Variants in PKHD1L1 observed in about 807,000 individuals in gnomAD.
The protein encoded by PKHD1L1 is PKHD1 like 1.
PKHD1L1 carries 434 observed loss-of-function variants against 462.9 expected under a neutral mutation model. The observed-to-expected ratio is 0.94, with a 90% CI of 0.87 to 1.02. The LOEUF is 1.02. PKHD1L1 is among the 50% of genes least tolerant of loss of function. The pLI is 0.00. For missense variants in PKHD1L1, 5,202 were observed against 5,096.1 expected (o/e 1.02, Z -0.63); for synonymous variants, 1,781 against 1,750.0 (o/e 1.02, Z -0.44).
Position 109,454,249 on chromosome 8 carries a change from A to G in PKHD1L1, c.6744+3A>G, listed in dbSNP as rs1183143228. The G allele has an allele frequency of 6.3e-7, 1 of 1,587,334 alleles. No homozygotes were observed. Among genetic ancestry groups the G allele is most frequent in the African/African-American group, 1.3e-5 (1 of 74,372 alleles). ...TTACAGATGGAGGTGTTCTTCAGGT[A>G]TTCAAAAGAACATAATACATATTCA... On this transcript the variant is annotated splice_donor_region_variant and intron_variant, in intron 44 of 77. Transcript: ENST00000378402.
chr8:109,476,581 A>T lies in PKHD1L1; in HGVS notation c.8831A>T (p.Asn2944Ile). The stretch of plus-strand genomic sequence containing the variant: ...ATGTTTAATATTATTGATATGAGGA[A>T]TGGTTCCTCAAATCCATTGAATTGG... ...PDMFNIIDMR[N>I]GSSNPLNWNT... is the part of the protein sequence containing the mutation. Residue 2944 changes from asparagine (N) to isoleucine (I), a missense_variant, in exon 52 of 78, where the codon AAT becomes ATT. Physicochemically the swap from Asn to Ile is moderately radical, Grantham distance 149. Transcript: ENST00000378402. 1 of 1,573,820 alleles carries T rather than the reference A, an allele frequency of 6.4e-7. No individual in the cohort carries two copies. The highest frequency in any genetic ancestry group is 8.7e-7 in the Non-Finnish European group (1 of 1,153,282).
rs1188288695 is a variant in PKHD1L1 at position 109,427,114 on chromosome 8, C to T, written c.2958C>T (p.Asn986=). The T allele has an allele frequency of 6.2e-7, 1 of 1,613,940 alleles. No homozygotes were observed. The highest frequency in any genetic ancestry group is 1.3e-5 in the African/African-American group (1 of 75,042). Residue 986 remains asparagine (N), a synonymous_variant, in exon 25 of 78, where the codon AAC becomes AAT. Coordinates refer to ENST00000378402, the MANE Select transcript of PKHD1L1 (RefSeq NM_177531.6). ...GAACCTGTGCTGGCTACGCGTGGAA[C>T]ATCAAATGGAGAAGCACCTGCGGAA... The part of the protein sequence containing the change: ...REGTCAGYAW[N]IKWRSTCGKQ...
In PKHD1L1 at chr8:109,445,600, G is replaced by A; in HGVS notation, c.5731G>A (p.Ala1911Thr). The part of the protein sequence containing the change: ...IAYPPLLFTY[A>T]LEDTPFLRGI... ...TTATCCACCTTTGCTTTTTACATAT[G>A]CCCTGGAGGATACTCCATTTCTCAG... Residue 1911 changes from alanine (A) to threonine (T), a missense_variant, in exon 38 of 78, where the codon GCC becomes ACC. Ala to Thr is a moderately conservative substitution (Grantham distance 58). Coordinates refer to ENST00000378402, the MANE Select transcript of PKHD1L1 (RefSeq NM_177531.6). 1 of 1,610,182 alleles carries A rather than the reference G, an allele frequency of 6.2e-7. No individual in the cohort carries two copies. Among genetic ancestry groups the A allele is most frequent in the Non-Finnish European group, 8.5e-7 (1 of 1,177,636 alleles).
rs1158447895 is a variant in PKHD1L1, at chr8:109,498,295, G to T, written c.10600-167G>T. 3.2e-4 allele frequency among the ~76,000 whole-genome samples: 21 copies of T among 65,174 alleles called. 7 individuals are homozygous for T. Among genetic ancestry groups the T allele is most frequent in the African/African-American group, 1.4e-3 (18 of 13,010 alleles). 42.8% of individuals were successfully genotyped at this position (65,174 alleles called of 152,430 possible). On this transcript the variant is annotated intron_variant, in intron 65 of 77. Coordinates refer to ENST00000378402, the MANE Select transcript of PKHD1L1 (RefSeq NM_177531.6). ...TTTTTGTATTTTTAGTAGAGACGGG[G>T]TTTCACCTTGTTAGCCAGGATGGTC... is the stretch of plus-strand genomic sequence containing the variant.
At chr8:109,476,704 T>A in intron 52 of PKHD1L1, 37 bp downstream of exon 52, 1 of 1,541,342 alleles carries the variant, frequency 6.5e-7, no homozygotes, top group Non-Finnish European at 8.8e-7. Flanking sequence ...GTTTATCTAA[T>A]GCTTTGTCTA....
chr8:109,508,131 A>G lies in PKHD1L1; in HGVS notation c.11262A>G (p.Pro3754=), dbSNP rs769744087. ...IIRDSTCKYL[P]EWQSYQCFGM... ...GAGATTCAACCTGTAAGTACCTTCC[A>G]GAGTGGCAGAGCTATCAGTGCTTTG... Residue 3754 remains proline, a synonymous_variant, in exon 70 of 78, where the codon CCA becomes CCG. Transcript: ENST00000378402. 3.7e-6 allele frequency: 6 copies of G among 1,612,536 alleles called. No homozygotes were observed. Among genetic ancestry groups the G allele is most frequent in the Non-Finnish European group, 5.1e-6 (6 of 1,179,072 alleles).
intron 75 of PKHD1L1, 37 bp from the exon 76 acceptor site, chr8:109,523,196 C>A (rs767522316): frequency 2.2e-5 from 33 of 1,513,804 alleles, no homozygotes; most frequent in South Asian, 8.7e-5. Flanking sequence ...GGAAACAGGA[C>A]AATTGTTATA....
chr8:109,436,458 A>AAGT lies in PKHD1L1; in HGVS notation c.3627+1_3627+3dup. ...AATAGGATAACCTGCAGGACACCAA[A>AAGT]AGTAAGGCCTCTGATTTCAGTCACT... is the stretch of plus-strand genomic sequence containing the variant. On this transcript the variant is annotated inframe_insertion and splice_region_variant, in exon 30 of 78. Coordinates refer to ENST00000378402, the MANE Select transcript of PKHD1L1 (RefSeq NM_177531.6). The AAGT allele has an allele frequency of 6.2e-7, 1 of 1,611,542 alleles. No homozygotes were observed. The highest frequency in any genetic ancestry group is 1.1e-5 in the South Asian group (1 of 90,422).
chr8:109,413,963 T>C (rs938526874), intron 21 of PKHD1L1, among the ~76,000 whole-genome samples: 11 of 152,098 alleles, frequency 7.2e-5, no homozygotes, highest in African/African-American at 2.7e-4. Flanking sequence ...AAATAATGCT[T>C]GCTGTGCCAA....
chr8:109,422,060 T>C (rs1814501849), intron 23 of PKHD1L1, among the ~76,000 whole-genome samples: 1 of 152,232 alleles, frequency 6.6e-6, no homozygotes, highest in Admixed American at 6.5e-5. Context: ...TTGACATAAT[T>C]GTAGATTCAC....
intron 60 of PKHD1L1, 149 bp downstream of exon 60, chr8:109,490,204 AT>A (rs1338304731): frequency 5.6e-6 from 3 of 537,146 alleles, no homozygotes; most frequent in Non-Finnish European, 6.4e-6. Flanking sequence ...TTTTAGACCT[AT>A]ATAAGCAGGA....
intron 45 of PKHD1L1, 70 bp downstream of exon 45, chr8:109,454,922 G>A: frequency 6.8e-7 from 1 of 1,469,894 alleles, no homozygotes. Context: ...TAATTATCCT[G>A]TGATAATTAT....
chr8:109,370,173 C>T (rs1811426514), intron 2 of PKHD1L1, among the ~76,000 whole-genome samples: 1 of 152,086 alleles, frequency 6.6e-6, no homozygotes, highest in African/African-American at 2.4e-5. Context: ...GGCTGGAGTG[C>T]AATGGCGTGA....
In PKHD1L1 at chr8:109,508,122, G is replaced by A; in HGVS notation, c.11253G>A (p.Lys3751=). ...HKGIIRDSTC[K]YLPEWQSYQC... is the part of the protein sequence containing the mutation. ...GAATTATTAGAGATTCAACCTGTAA[G>A]TACCTTCCAGAGTGGCAGAGCTATC... The change falls in exon 70 of 78, where the codon AAG becomes AAA. Residue 3751 remains lysine, a synonymous_variant. Transcript: ENST00000378402. 2 of 1,611,710 alleles carry A rather than the reference G, an allele frequency of 1.2e-6. No homozygotes were observed. The highest frequency in any genetic ancestry group is 8.5e-7 in the Non-Finnish European group (1 of 1,178,788).
chr8:109,452,916 A>G (rs1816619338), intron 43 of PKHD1L1, 42 bp downstream of exon 43: 2 of 1,291,888 alleles, frequency 1.5e-6, no homozygotes, highest in South Asian at 4.6e-5. Context: ...TGCCTGATAA[A>G]TATTTCTGTG....
intron 72 of PKHD1L1, among the ~76,000 whole-genome samples, chr8:109,515,658 T>C (rs1820231032): frequency 6.6e-6 from 1 of 152,194 alleles, no homozygotes; most frequent in African/African-American, 2.4e-5. Context: ...GCTTTACTTC[T>C]ATTTCATAGA....
rs762285908 is a variant in PKHD1L1 at position 109,427,125 on chromosome 8, G to A, written c.2969G>A (p.Arg990Lys). 5 of 1,613,912 alleles carry A rather than the reference G, an allele frequency of 3.1e-6. No homozygotes were observed. Among genetic ancestry groups the A allele is most frequent in the Non-Finnish European group, 3.4e-6 (4 of 1,179,822 alleles). The change falls in exon 25 of 78, where the codon AGA (arginine) becomes AAA (lysine). Residue 990 changes from arginine (R) to lysine (K), a missense_variant. Arg to Lys is a conservative substitution (Grantham distance 26). Around this residue, in one of 3 missense-constraint regions of PKHD1L1, gnomAD observed 4,497 missense variants for 4,336.8 expected, o/e 1.04. Coordinates refer to ENST00000378402, the MANE Select transcript of PKHD1L1 (RefSeq NM_177531.6). ...CAGYAWNIKW[R>K]STCGKQNLLQ... ...GGCTACGCGTGGAACATCAAATGGA[G>A]AAGCACCTGCGGAAAGCAGAATCTT... is the stretch of plus-strand genomic sequence containing the variant.
At position 109,443,785 on chromosome 8, in the gene PKHD1L1, T is replaced by G; in HGVS notation, c.4674T>G (p.Phe1558Leu). 1 of 1,613,874 alleles carries G rather than the reference T, an allele frequency of 6.2e-7. No homozygotes were observed. Among genetic ancestry groups the G allele is most frequent in the East Asian group, 2.2e-5 (1 of 44,880 alleles). Reference protein sequence around the residue: ...TRVKNSKRLLFEVSSCFSPSI... With the variant: ...TRVKNSKRLLLEVSSCFSPSI... ...TTAAAAATTCAAAAAGATTGCTATT[T>G]GAGGTTTCAAGTTGTTTTTCACCAT... Residue 1558 changes from phenylalanine to leucine, a missense_variant, in exon 37 of 78, where the codon TTT becomes TTG. Transcript: ENST00000378402.
At chr8:109,508,580 A>G (rs1819818352) in intron 70 of PKHD1L1, among the ~76,000 whole-genome samples, 1 of 150,908 alleles carries the variant, frequency 6.6e-6, no homozygotes, top group Non-Finnish European at 1.5e-5. Flanking sequence ...AAGGTGGTAT[A>G]AGTATTTTAA....
Sources: allele counts gnomAD v4.1 joint callset (sites outside exome capture counted in the v4.1 genomes callset), GRCh38; gene constraint gnomAD v4.1.1; regional missense constraint gnomAD v4.1.1; transcripts MANE v1.5; gene names NCBI Gene and HGNC (gene_info 2026-07-23, HGNC 2026-07-21).